VTA1: variants seen among roughly 807,000 people sequenced by gnomAD.
VTA1 encodes vacuolar protein sorting-associated protein VTA1 homolog.
In VTA1, 24 loss-of-function variants were observed where a neutral mutation model predicts 36.9. The observed-to-expected ratio is 0.65, with a 90% CI of 0.47 to 0.91. The LOEUF (loss-of-function observed/expected upper bound fraction) is 0.91, where lower values mean the gene tolerates loss of function less well. Among genes scored for constraint, VTA1 ranks in the 40% least tolerant of loss-of-function variants. The pLI, the probability that VTA1 is intolerant of heterozygous loss-of-function variation, is 0.00. For synonymous variants in VTA1, 142 were observed against 130.2 expected (o/e 1.09, Z -0.62); for missense variants, 393 against 377.2 (o/e 1.04, Z -0.35).
intron 5 of VTA1, 85 bp downstream of exon 5, chr6:142,189,619 T>C (rs2114665271): frequency 9.5e-7 from 1 of 1,049,290 alleles, no homozygotes; most frequent in Non-Finnish European, 1.4e-6. Flanking sequence ...GAGGGAACAA[T>C]ACAGTTTTGT....
chr6:142,167,860 C>T (rs1016926198), intron 2 of VTA1, among the ~76,000 whole-genome samples: 8 of 152,198 alleles, frequency 5.3e-5, no homozygotes, highest in African/African-American at 1.4e-4. Flanking sequence ...ATGTTTCTCA[C>T]ACATAGCAGT....
At chr6:142,205,098 T>A (rs1181961064) in intron 7 of VTA1, among the ~76,000 whole-genome samples, 1 of 152,194 alleles carries the variant, frequency 6.6e-6, no homozygotes, top group Non-Finnish European at 1.5e-5. Flanking sequence ...GAATTTTCTG[T>A]TCTCCCTGTA....
chr6:142,180,808 G>C (rs977805874), intron 4 of VTA1, among the ~76,000 whole-genome samples: 24 of 151,772 alleles, frequency 1.6e-4, no homozygotes, highest in African/African-American at 5.8e-4. Context: ...GGAGACATCA[G>C]ACAAATCAAT....
At chr6:142,169,508 G>A (rs751412686) in intron 2 of VTA1, 42 bp from the exon 3 acceptor site, 6 of 1,584,192 alleles carry the variant, frequency 3.8e-6, no homozygotes, top group Non-Finnish European at 3.4e-6. Context: ...CAACACTTCT[G>A]AGAGTCCAAA....
chr6:142,184,718 C>CT (rs1438620805), intron 4 of VTA1, among the ~76,000 whole-genome samples: 1 of 152,108 alleles, frequency 6.6e-6, no homozygotes, highest in African/African-American at 2.4e-5. Flanking sequence ...GGAAATAAGA[C>CT]TGAGTGTCCA....
chr6:142,188,225 CTTTTTTTTTTTTTTTT>C (rs200348683), intron 4 of VTA1, among the ~76,000 whole-genome samples: 13,471 of 79,202 alleles, frequency 0.17, 985 homozygotes, highest in Admixed American at 0.27. Flanking sequence ...TTCTTTATTT[CTTTTTTTTTTTTTTTT>C]TTTTTTTTTT....
At chr6:142,167,722 A>G (rs1415320299) in intron 2 of VTA1, among the ~76,000 whole-genome samples, 1 of 152,174 alleles carries the variant, frequency 6.6e-6, no homozygotes, top group Admixed American at 6.5e-5. Context: ...AATCAGCCTC[A>G]TGGCAGCACT....
At chr6:142,164,366 A>G (rs1774871545) in intron 1 of VTA1, among the ~76,000 whole-genome samples, 1 of 151,766 alleles carries the variant, frequency 6.6e-6, no homozygotes, top group Non-Finnish European at 1.5e-5. Flanking sequence ...TCTCGGTTAC[A>G]CTTTTGGAAC....
chr6:142,166,744 C>G (rs1372810571), intron 2 of VTA1, among the ~76,000 whole-genome samples: 1 of 152,108 alleles, frequency 6.6e-6, no homozygotes, highest in Non-Finnish European at 1.5e-5. Context: ...ACATCAGCCT[C>G]CCACGTAGCT....
intron 7 of VTA1, among the ~76,000 whole-genome samples, chr6:142,208,145 G>C (rs1775831647): frequency 6.7e-6 from 1 of 149,452 alleles, no homozygotes; most frequent in East Asian, 2.0e-4. Context: ...CAGTTTGTGA[G>C]CTCTCTGACC....
intron 1 of VTA1, among the ~76,000 whole-genome samples, chr6:142,158,991 T>G (rs1325859719): frequency 6.6e-6 from 1 of 152,170 alleles, no homozygotes; most frequent in Non-Finnish European, 1.5e-5. Flanking sequence ...AAGAAATTTA[T>G]AAAATGTAAA....
chr6:142,158,172 A>G (rs1778699429), intron 1 of VTA1, among the ~76,000 whole-genome samples: 1 of 152,138 alleles, frequency 6.6e-6, no homozygotes, highest in Non-Finnish European at 1.5e-5. Context: ...AAAAGCTGCC[A>G]TAGCCCACAG....
intron 1 of VTA1, among the ~76,000 whole-genome samples, chr6:142,148,909 G>C (rs1658512269): frequency 6.6e-6 from 1 of 152,136 alleles, no homozygotes; most frequent in South Asian, 2.1e-4. Context: ...ATTGTGACTG[G>C]AGTGGATGGG....
At chr6:142,179,392 CAT>C (rs1775182949) in intron 4 of VTA1, among the ~76,000 whole-genome samples, 2 of 151,944 alleles carry the variant, frequency 1.3e-5, no homozygotes, top group South Asian at 4.2e-4. Flanking sequence ...AAAATAAAAA[CAT>C]ATGTCCTGAA....
chr6:142,173,137 G>A (rs1775058724), intron 4 of VTA1, among the ~76,000 whole-genome samples: 1 of 152,150 alleles, frequency 6.6e-6, no homozygotes, highest in Non-Finnish European at 1.5e-5. Flanking sequence ...ATTACCAGAA[G>A]CCTCTTGGAA....
intron 1 of VTA1, among the ~76,000 whole-genome samples, chr6:142,153,524 A>T (rs1778606692): frequency 6.6e-6 from 1 of 152,028 alleles, no homozygotes; most frequent in Non-Finnish European, 1.5e-5. Flanking sequence ...TCCAAAAATG[A>T]TTCACTTCTG....
At chr6:142,189,117 CCT>C (rs1457351061) in intron 4 of VTA1, among the ~76,000 whole-genome samples, 2 of 151,862 alleles carry the variant, frequency 1.3e-5, no homozygotes, top group African/African-American at 4.8e-5. Flanking sequence ...CTATTTCTCC[CCT>C]GTGCAGAAGA....
At chr6:142,165,650 A>C (rs1003099604) in intron 1 of VTA1, among the ~76,000 whole-genome samples, 1 of 152,194 alleles carries the variant, frequency 6.6e-6, no homozygotes, top group Non-Finnish European at 1.5e-5. Flanking sequence ...TACCACTAGA[A>C]CTGTTCACAG....
chr6:142,209,455 CA>C (rs1238397186), intron 7 of VTA1, among the ~76,000 whole-genome samples: 4 of 149,746 alleles, frequency 2.7e-5, no homozygotes, highest in South Asian at 4.2e-4. Context: ...AAATGTAATA[CA>C]AAAAAATATA....
Sources: gnomAD v4.1 joint callset for allele counts (sites outside exome capture counted in the v4.1 genomes callset) on GRCh38, gnomAD v4.1.1 for gene constraint, MANE v1.5 for transcripts, NCBI Gene and HGNC (gene_info 2026-07-23, HGNC 2026-07-21) for gene names.